Variants in AGBL1 observed in about 807,000 individuals in gnomAD.
AGBL1 encodes cytosolic carboxypeptidase 4.
AGBL1 carries 130 observed loss-of-function variants against 118.9 expected under a neutral mutation model. The observed-to-expected ratio is 1.09, with a 90% CI of 0.95 to 1.26. The LOEUF is 1.26. Ranked by LOEUF, AGBL1 falls within the 50% of genes most tolerant of loss-of-function variation. The pLI, the probability that AGBL1 is intolerant of heterozygous loss-of-function variation, is 0.00. For missense variants in AGBL1, 1,584 were observed against 1,298.1 expected, an observed-to-expected ratio of 1.22 and a Z score of -3.38; for synonymous variants, 555 against 478.9, an observed-to-expected ratio of 1.16 and a Z score of -2.08.
intron 22 of AGBL1, among the ~76,000 whole-genome samples, chr15:86,714,747 A>T (rs1275745464): frequency 6.6e-6 from 1 of 152,066 alleles, no homozygotes; most frequent in Non-Finnish European, 1.5e-5. Context: ...AGGCTTCCTG[A>T]TGCTTCTAGG....
chr15:86,250,203 C>A (rs1003826648), intron 7 of AGBL1, among the ~76,000 whole-genome samples: 3 of 152,002 alleles, frequency 2.0e-5, no homozygotes, highest in African/African-American at 7.2e-5. Flanking sequence ...TCACCACCAC[C>A]ACTCGCCCTT....
At chr15:86,945,176 C>T (rs1386659617) in intron 23 of AGBL1, among the ~76,000 whole-genome samples, 9 of 137,410 alleles carry the variant, frequency 6.5e-5, no homozygotes, top group Non-Finnish European at 1.1e-4. Flanking sequence ...ACCAGGAGTT[C>T]GAGGTTGCAG....
chr15:86,258,466 A>G (rs1432575017), intron 9 of AGBL1, among the ~76,000 whole-genome samples: 1 of 152,142 alleles, frequency 6.6e-6, no homozygotes, highest in Non-Finnish European at 1.5e-5. Context: ...GACTCTGTGA[A>G]TTGTTTTCCC....
At chr15:86,196,782 C>A (rs1426193270) in intron 5 of AGBL1, among the ~76,000 whole-genome samples, 2 of 151,828 alleles carry the variant, frequency 1.3e-5, no homozygotes, top group African/African-American at 4.8e-5. Flanking sequence ...AACCTTAATC[C>A]TATAGGACTG....
At chr15:86,297,565 A>T (rs1481802205) in intron 17 of AGBL1, among the ~76,000 whole-genome samples, 1 of 152,220 alleles carries the variant, frequency 6.6e-6, no homozygotes, top group East Asian at 1.9e-4. Context: ...ATAAAGGTAG[A>T]AAGTGGCAAA....
At chr15:86,959,497 T>G (rs2080969618) in intron 23 of AGBL1, among the ~76,000 whole-genome samples, 1 of 152,088 alleles carries the variant, frequency 6.6e-6, no homozygotes, top group African/African-American at 2.4e-5. Context: ...ATTTTCTGTT[T>G]CTTACTTAGA....
intron 22 of AGBL1, among the ~76,000 whole-genome samples, chr15:86,742,526 G>A (rs948008549): frequency 6.6e-6 from 1 of 152,050 alleles, no homozygotes; most frequent in African/African-American, 2.4e-5. Flanking sequence ...ATTATGGGAT[G>A]CAGGGAAGGA....
intron 17 of AGBL1, among the ~76,000 whole-genome samples, chr15:86,348,789 A>T (rs965210325): frequency 3.9e-5 from 6 of 152,034 alleles, no homozygotes; most frequent in Admixed American, 1.3e-4. Flanking sequence ...AGAAAAAAAA[A>T]AAAAAAAAAG....
At chr15:86,549,343 T>A (rs139910203) in intron 20 of AGBL1, among the ~76,000 whole-genome samples, 2 of 152,222 alleles carry the variant, frequency 1.3e-5, no homozygotes, top group East Asian at 1.9e-4. Flanking sequence ...ACTCAAGATA[T>A]TTGAGCACTA....
chr15:86,291,896 AG>A (rs2079551364), intron 16 of AGBL1, among the ~76,000 whole-genome samples: 2 of 152,196 alleles, frequency 1.3e-5, no homozygotes, highest in African/African-American at 2.4e-5. Context: ...TTACATACAA[AG>A]ATTTGGTTAG....
intron 21 of AGBL1, among the ~76,000 whole-genome samples, chr15:86,666,313 T>G (rs1347342802): frequency 6.6e-6 from 1 of 152,164 alleles, no homozygotes; most frequent in African/African-American, 2.4e-5. Context: ...GAATTTTTAT[T>G]ATATTTAATA....
At chr15:86,407,570 T>C (rs1002195139) in intron 18 of AGBL1, among the ~76,000 whole-genome samples, 2 of 152,184 alleles carry the variant, frequency 1.3e-5, no homozygotes, top group African/African-American at 2.4e-5. Context: ...CTAAAATGTT[T>C]TACTATAGGT....
chr15:86,727,112 G>A (rs976691805), intron 22 of AGBL1, among the ~76,000 whole-genome samples: 11 of 152,052 alleles, frequency 7.2e-5, no homozygotes, highest in Non-Finnish European at 1.6e-4. Flanking sequence ...GGGATGATGG[G>A]GACTCTAGTG....
intron 17 of AGBL1, among the ~76,000 whole-genome samples, chr15:86,386,986 T>A (rs2081206637): frequency 1.3e-5 from 2 of 152,180 alleles, no homozygotes; most frequent in African/African-American, 4.8e-5. Flanking sequence ...TTACAGTTAA[T>A]TGCACCTATC....
At chr15:86,593,348 G>A (rs2084364074) in intron 21 of AGBL1, among the ~76,000 whole-genome samples, 2 of 151,622 alleles carry the variant, frequency 1.3e-5, no homozygotes, top group Admixed American at 1.3e-4. Context: ...TGTGGATCTG[G>A]TGTGCTCCTT....
At chr15:86,409,153 C>A (rs138832491) in intron 18 of AGBL1, among the ~76,000 whole-genome samples, 5 of 152,246 alleles carry the variant, frequency 3.3e-5, no homozygotes, top group Middle Eastern at 3.4e-3. Flanking sequence ...ATCCGCAATG[C>A]GTCTTCAGAC....
chr15:86,434,310 G>A (rs990774688), intron 18 of AGBL1, among the ~76,000 whole-genome samples: 9 of 152,156 alleles, frequency 5.9e-5, no homozygotes, highest in African/African-American at 2.2e-4. Flanking sequence ...AGGTCCACTT[G>A]CTTTACACTG....
intron 18 of AGBL1, among the ~76,000 whole-genome samples, chr15:86,418,019 A>G (rs967563371): frequency 6.6e-6 from 1 of 152,196 alleles, no homozygotes; most frequent in Admixed American, 6.5e-5. Flanking sequence ...TAGATGGATC[A>G]AGTCTTGAAT....
At chr15:86,658,384 A>G (rs558394256) in intron 21 of AGBL1, among the ~76,000 whole-genome samples, 1 of 152,318 alleles carries the variant, frequency 6.6e-6, no homozygotes, top group East Asian at 1.9e-4. Flanking sequence ...TGAATAGTAA[A>G]TGTTAATGTT....
Sources: allele counts gnomAD v4.1 joint callset (sites outside exome capture counted in the v4.1 genomes callset), GRCh38; gene constraint gnomAD v4.1.1; transcripts MANE v1.5; gene names NCBI Gene and HGNC (gene_info 2026-07-23, HGNC 2026-07-21).